FAM135A: variants seen among roughly 807,000 people sequenced by gnomAD.
The protein encoded by FAM135A is family with sequence similarity 135 member A.
FAM135A carries 79 observed loss-of-function variants against 146.8 expected under a neutral mutation model. That is an observed-to-expected ratio of 0.54 (90% CI 0.45 to 0.65). The LOEUF (loss-of-function observed/expected upper bound fraction) is 0.65, where lower values mean the gene tolerates loss of function less well. Ranked by LOEUF, FAM135A falls within the 30% of genes least tolerant of loss-of-function variation. FAM135A has a pLI of 0.00. For missense variants in FAM135A, 1,623 were observed against 1,758.2 expected, an observed-to-expected ratio of 0.92 and a Z score of 1.38; for synonymous variants, 562 against 603.6, an observed-to-expected ratio of 0.93 and a Z score of 1.01.
intron 5 of FAM135A, among the ~76,000 whole-genome samples, chr6:70,475,175 A>C (rs977425587): frequency 2.3e-4 from 35 of 152,168 alleles, no homozygotes; most frequent in Admixed American, 5.2e-4. Flanking sequence ...ATATTTCCTC[A>C]TTTACCTTTC....
intron 12 of FAM135A, among the ~76,000 whole-genome samples, chr6:70,511,264 A>C (rs1272786559): frequency 1.3e-5 from 2 of 151,938 alleles, no homozygotes; most frequent in Non-Finnish European, 2.9e-5. Flanking sequence ...TCTTTGGTGC[A>C]CAGGACATCA....
At chr6:70,557,778 A>T (rs1358762993) in intron 21 of FAM135A, 2 of 149,878 alleles carry the variant, frequency 1.3e-5, no homozygotes, top group Non-Finnish European at 3.0e-5. Flanking sequence ...GGCTGATTTT[A>T]AACTCTTAAT....
chr6:70,431,898 A>G (rs1771738809), intron 4 of FAM135A, among the ~76,000 whole-genome samples: 1 of 152,046 alleles, frequency 6.6e-6, no homozygotes, highest in Non-Finnish European at 1.5e-5. Flanking sequence ...TGACCTATAT[A>G]TAAAATATAT....
intron 4 of FAM135A, among the ~76,000 whole-genome samples, chr6:70,436,889 A>T (rs1773292656): frequency 6.6e-6 from 1 of 152,180 alleles, no homozygotes; most frequent in South Asian, 2.1e-4. Context: ...GGAAAAAAAA[A>T]CTACTACCGA....
At chr6:70,550,109 A>G (rs1009307318) in intron 20 of FAM135A, among the ~76,000 whole-genome samples, 1 of 152,166 alleles carries the variant, frequency 6.6e-6, no homozygotes, top group African/African-American at 2.4e-5. Flanking sequence ...TTCTCTTGCT[A>G]TTTCCACCAC....
Position 70,452,551 on chromosome 6 carries a change from C to G in FAM135A, c.137C>G (p.Ala46Gly), listed in dbSNP as rs764399547. 1.3e-6 allele frequency: 2 copies of G among 1,592,740 alleles called. No individual in the cohort carries two copies. The highest frequency in any genetic ancestry group is 1.7e-6 in the Non-Finnish European group (2 of 1,173,892). ...IPSRIPHRVE[A>G]SLLHATGMTL... ...TCAAGAATTCCCCACAGAGTAGAAGCTAGTTTGTTGCATGCAACAGGTAAG... is the reference window on the plus strand; with the variant it reads ...TCAAGAATTCCCCACAGAGTAGAAGGTAGTTTGTTGCATGCAACAGGTAAG... Residue 46 changes from alanine (A) to glycine (G), a missense_variant, in exon 5 of 22, where the codon GCT becomes GGT. Physicochemically the swap from Ala to Gly is moderately conservative, Grantham distance 60. Around this residue, in one of 7 missense-constraint regions of FAM135A, gnomAD observed 171 missense variants for 164.9 expected, o/e 1.04. Transcript: ENST00000418814.
intron 5 of FAM135A, among the ~76,000 whole-genome samples, chr6:70,463,535 C>A (rs1039507407): frequency 3.3e-5 from 5 of 152,052 alleles, no homozygotes; most frequent in Non-Finnish European, 7.4e-5. Flanking sequence ...GCTAGGATTA[C>A]AGGTATGAGC....
rs754818109 is a variant in FAM135A at position 70,464,658 on chromosome 6, C to CTTTTTTTTTTTTTTTTTTTTTTTTTT, written c.158-10744_158-10743insTTTTTTTTTTTTTTTTTTTTTTTTTT. 9.0e-5 allele frequency among the ~76,000 whole-genome samples: 9 copies of CTTTTTTTTTTTTTTTTTTTTTTTTTT among 100,452 alleles called. 1 individual carries two copies. The highest frequency in any genetic ancestry group is 1.9e-4 in the Admixed American group (2 of 10,570). The allele number at this position is 100,452 out of a possible 152,430, so 65.9% of individuals were successfully genotyped here. ...TTTAAATTTCTTTCTTTCTTTCTTT[C>CTTTTTTTTTTTTTTTTTTTTTTTTTT]TTTTTTTTCTTTTTTTTTTTTTTTT... On this transcript the variant is annotated intron_variant, in intron 5 of 21. Coordinates refer to ENST00000418814, the MANE Select transcript of FAM135A (RefSeq NM_001162529.3).
At chr6:70,449,803 G>A (rs1582191917) in intron 4 of FAM135A, among the ~76,000 whole-genome samples, 1 of 152,184 alleles carries the variant, frequency 6.6e-6, no homozygotes, top group Middle Eastern at 3.4e-3. Context: ...GGATCATATG[G>A]TAACTCTATT....
intron 2 of FAM135A, among the ~76,000 whole-genome samples, chr6:70,421,147 G>A (rs886170474): frequency 6.6e-6 from 1 of 151,980 alleles, no homozygotes; most frequent in African/African-American, 2.4e-5. Flanking sequence ...GCCTCCCAAA[G>A]TGCTGGGATT....
chr6:70,443,516 G>A (rs76917369), intron 4 of FAM135A, among the ~76,000 whole-genome samples: 19,848 of 152,172 alleles, frequency 0.13, 1,537 homozygotes, highest in Middle Eastern at 0.19. Flanking sequence ...TACATTGTTC[G>A]CACAGTGGCG....
intron 5 of FAM135A, among the ~76,000 whole-genome samples, chr6:70,459,717 T>TA (rs1231037414): frequency 1.3e-5 from 2 of 152,160 alleles, no homozygotes; most frequent in Non-Finnish European, 2.9e-5. Context: ...ATCAAAATAA[T>TA]ATACAGCATA....
chr6:70,415,498 C>A (rs1767359244), intron 2 of FAM135A, 122 bp downstream of exon 2: 1 of 152,140 alleles, frequency 6.6e-6, no homozygotes, highest in African/African-American at 2.4e-5. Context: ...CATCAAACCA[C>A]ACTTCTTTGA....
At chr6:70,505,994 A>G (rs1330814126) in intron 12 of FAM135A, among the ~76,000 whole-genome samples, 2 of 152,178 alleles carry the variant, frequency 1.3e-5, no homozygotes, top group East Asian at 3.8e-4. Context: ...TCAACTTACT[A>G]ATGGTCTGGC....
At chr6:70,554,138 TGA>T (rs1800375336) in intron 20 of FAM135A, among the ~76,000 whole-genome samples, 1 of 152,036 alleles carries the variant, frequency 6.6e-6, no homozygotes, top group Admixed American at 6.5e-5. Context: ...ATTAGAGAGA[TGA>T]GTAAAGAATA....
intron 13 of FAM135A, among the ~76,000 whole-genome samples, chr6:70,523,468 G>C (rs562729085): frequency 2.6e-4 from 39 of 151,984 alleles, no homozygotes; most frequent in Admixed American, 1.9e-3. Context: ...CATAAGACAG[G>C]GTTTTCTGTT....
At position 70,525,334 on chromosome 6, in the gene FAM135A, A is replaced by G. The variant is rs887909510; in HGVS notation, c.2250A>G (p.Gly750=). The change falls in exon 15 of 22, where the codon GGA becomes GGG. Residue 750 remains glycine (G), a synonymous_variant. Transcript: ENST00000418814. ...AAGAATATCATGTTGTAGTAAGTGGAGATACAATTAAGTTACCAGATATTA... is the reference window on the plus strand; with the variant it reads ...AAGAATATCATGTTGTAGTAAGTGGGGATACAATTAAGTTACCAGATATTA... ...STKEYHVVVS[G]DTIKLPDISA... The G allele has an allele frequency of 3.1e-6, 5 of 1,613,038 alleles. No individual in the cohort carries two copies. The highest frequency in any genetic ancestry group is 4.2e-6 in the Non-Finnish European group (5 of 1,179,524).
At chr6:70,488,472 C>A (rs1038896104) in intron 10 of FAM135A, among the ~76,000 whole-genome samples, 1 of 150,836 alleles carries the variant, frequency 6.6e-6, no homozygotes, top group African/African-American at 2.4e-5. Context: ...CAAGCCCCCC[C>A]CCCCAGAAAT....
intron 12 of FAM135A, among the ~76,000 whole-genome samples, chr6:70,521,475 C>T (rs1375017074): frequency 6.6e-6 from 1 of 152,168 alleles, no homozygotes; most frequent in African/African-American, 2.4e-5. Flanking sequence ...TCATTGATAT[C>T]TTCTTTTCCC....
Sources: allele counts gnomAD v4.1 joint callset (sites outside exome capture counted in the v4.1 genomes callset), GRCh38; gene constraint gnomAD v4.1.1; regional missense constraint gnomAD v4.1.1; transcripts MANE v1.5; gene names NCBI Gene and HGNC (gene_info 2026-07-23, HGNC 2026-07-21).